The following MUC5AC variants were observed in gnomAD, a reference collection of about 807,000 sequenced individuals.
MUC5AC encodes mucin 5AC, oligomeric mucus/gel-forming.
A neutral mutation model predicts 169.7 loss-of-function variants in MUC5AC; 158 were observed. The ratio of observed to expected loss-of-function variants is 0.93; its 90% CI spans 0.82 to 1.06. The LOEUF (loss-of-function observed/expected upper bound fraction) is 1.06. Ranked by LOEUF, MUC5AC falls within the 50% of genes least tolerant of loss-of-function variation. MUC5AC has a pLI of 0.00. For missense variants in MUC5AC, 4,359 were observed against 3,089.9 expected (o/e 1.41, Z -9.74); for synonymous variants, 1,975 against 1,237.0 (o/e 1.60, Z -12.52).
chr11:1,182,435 A>C lies in MUC5AC; in HGVS notation c.4290A>C (p.Arg1430=), dbSNP rs2133752376. Residue 1430 remains arginine, a synonymous_variant, in exon 31 of 49, where the codon CGA becomes CGC. Coordinates refer to ENST00000621226, the MANE Select transcript of MUC5AC (RefSeq NM_001304359.2). ...VCESPRSVEC[R]AEDAPGVPLR... is the part of the protein sequence containing the mutation. ...AATCACCCAGGTCGGTGGAGTGCCG[A>C]GCTGAGGACGCCCCCGGAGTGCCGC... 1 of 398,582 alleles carries C rather than the reference A, an allele frequency of 2.5e-6. No individual in the cohort carries two copies. The highest frequency in any genetic ancestry group is 3.6e-5 in the East Asian group (1 of 28,070). 24.7% of individuals were successfully genotyped at this position (398,582 alleles called of 1,614,324 possible). A position where few individuals can be genotyped will look rare whatever the true frequency, so the allele number is the denominator to read the frequency against.
Position 1,161,514 on chromosome 11 carries a change from CCT to C in MUC5AC, c.152-12_152-11del. ...GGGCCGTGCGTGAATCCTACCAGCC[CCT>C]GTCTCCGCAGGGGTCCCGCTCCGTG... is the stretch of plus-strand genomic sequence containing the variant. On this transcript the variant is annotated splice_polypyrimidine_tract_variant and intron_variant, in intron 2 of 48. Coordinates refer to ENST00000621226, the MANE Select transcript of MUC5AC (RefSeq NM_001304359.2). 2.5e-6 allele frequency: 4 copies of C among 1,586,004 alleles called. No individual in the cohort carries two copies. Among genetic ancestry groups the C allele is most frequent in the African/African-American group, 1.3e-5 (1 of 74,276 alleles).
In MUC5AC at chr11:1,192,003, T is replaced by C. The variant is rs1447258997; in HGVS notation, c.13858T>C (p.Ser4620Pro). The C allele has an allele frequency of 1.3e-6, 1 of 764,906 alleles. No individual in the cohort carries two copies. Among genetic ancestry groups the C allele is most frequent in the African/African-American group, 1.7e-5 (1 of 59,094 alleles). 47.4% of individuals were successfully genotyped at this position (764,906 alleles called of 1,614,324 possible). The change falls in exon 31 of 49, where the codon TCC (serine) becomes CCC (proline). Residue 4620 changes from serine (S) to proline (P), a missense_variant. Coordinates refer to ENST00000621226, the MANE Select transcript of MUC5AC (RefSeq NM_001304359.2). ...TCTTTCTGTATCCAAGACAACCCAC[T>C]CCCAACCAGTCACCAGTGACTGTCA... ...SHLSVSKTTH[S>P]QPVTSDCHPL...
In MUC5AC at chr11:1,196,034, G is replaced by T; in HGVS notation, c.15617G>T (p.Gly5206Val). The T allele has an allele frequency of 1.3e-6, 1 of 764,648 alleles. No homozygotes were observed. 47.4% of individuals were successfully genotyped at this position (764,648 alleles called of 1,614,324 possible). ...CACGACATCTGCATCGATTGGAGAGGCCGGACCGGCCACATGTGCCGTGAG... is the reference window on the plus strand; with the variant it reads ...CACGACATCTGCATCGATTGGAGAGTCCGGACCGGCCACATGTGCCGTGAG... Reference protein sequence around the residue: ...ASHDICIDWRGRTGHMCPFTC... With the variant: ...ASHDICIDWRVRTGHMCPFTC... The change falls in exon 37 of 49, where the codon GGC becomes GTC. Residue 5206 changes from glycine (G) to valine (V), a missense_variant. Physicochemically the swap from Gly to Val is moderately radical, Grantham distance 109. Coordinates refer to ENST00000621226, the MANE Select transcript of MUC5AC (RefSeq NM_001304359.2).
Position 1,191,316 on chromosome 11 carries a change from A to G in MUC5AC, c.13171A>G (p.Thr4391Ala), listed in dbSNP as rs1861091245. The change falls in exon 31 of 49, where the codon ACC becomes GCC. Residue 4391 changes from threonine (T) to alanine (A), a missense_variant. Thr to Ala is a moderately conservative substitution (Grantham distance 58, BLOSUM62 0). Transcript: ENST00000621226. ...PTTSTTSAPT[T>A]RTTSASTAST... is the part of the protein sequence containing the mutation. ...CACCAGCACAACCTCTGCTCCTACAACCAGAACAACCTCTGCCTCTACAGC... is the reference window on the plus strand; with the variant it reads ...CACCAGCACAACCTCTGCTCCTACAGCCAGAACAACCTCTGCCTCTACAGC... 5.4e-6 allele frequency: 4 copies of G among 747,254 alleles called. No individual in the cohort carries two copies. The highest frequency in any genetic ancestry group is 5.2e-5 in the Admixed American group (3 of 57,220). 46.3% of individuals were successfully genotyped at this position (747,254 alleles called of 1,614,324 possible). A position where few individuals can be genotyped will look rare whatever the true frequency, so the allele number is the denominator to read the frequency against.
chr11:1,167,226 G>A (rs1860360336), intron 11 of MUC5AC, among the ~76,000 whole-genome samples: 1 of 143,256 alleles, frequency 7.0e-6, no homozygotes, highest in Non-Finnish European at 1.5e-5. Flanking sequence ...GTCTCCCCAA[G>A]ATGAGACCCT....
chr11:1,161,475 C>A, intron 2 of MUC5AC, 52 bp from the exon 3 acceptor site: 2 of 1,455,432 alleles, frequency 1.4e-6, no homozygotes, highest in South Asian at 2.7e-5. Context: ...GCTGCGGAGC[C>A]CCCGCCCCAC....
rs778471475 is a variant in MUC5AC, at chr11:1,199,941, C to A, written c.16672C>A (p.Arg5558=). Residue 5558 remains arginine, a synonymous_variant, in exon 48 of 49, where the codon CGG becomes AGG. Coordinates refer to ENST00000621226, the MANE Select transcript of MUC5AC (RefSeq NM_001304359.2). ...SSEPVRLAYC[R]GNCGDSSSMY... is the part of the protein sequence containing the mutation. ...GGAGCCCGTGCGCCTGGCTTACTGCCGGGGGAACTGTGGGGACAGCTCTTC... is the reference window on the plus strand; with the variant it reads ...GGAGCCCGTGCGCCTGGCTTACTGCAGGGGGAACTGTGGGGACAGCTCTTC... The A allele has an allele frequency of 2.6e-6, 2 of 763,780 alleles. No homozygotes were observed. Among genetic ancestry groups the A allele is most frequent in the South Asian group, 2.7e-5 (2 of 74,314 alleles). The allele number at this position is 763,780 out of a possible 1,614,324, so 47.3% of individuals were successfully genotyped here. A position where few individuals can be genotyped will look rare whatever the true frequency, so the allele number is the denominator to read the frequency against.
chr11:1,198,070 G>A, intron 42 of MUC5AC, 66 bp downstream of exon 42: 2 of 637,230 alleles, frequency 3.1e-6, no homozygotes, highest in Non-Finnish European at 5.7e-6. Flanking sequence ...GATTTTGGGG[G>A]GCCATAACCA....
Position 1,189,771 on chromosome 11 carries a change from A to G in MUC5AC, c.11626A>G (p.Thr3876Ala), listed in dbSNP as rs1861044304. The G allele has an allele frequency of 1.5e-6, 1 of 687,268 alleles. No individual in the cohort carries two copies. The highest frequency in any genetic ancestry group is 2.0e-5 in the Admixed American group (1 of 48,870). 42.6% of individuals were successfully genotyped at this position (687,268 alleles called of 1,614,324 possible). Reference sequence around the variant, plus strand: ...TACAGCCAGCACAATCTCTGCCCCTACAACCAGCACAACCTCTTTCCATAC... The same window carrying G: ...TACAGCCAGCACAATCTCTGCCCCTGCAACCAGCACAACCTCTTTCCATAC... ...APTASTISAP[T>A]TSTTSFHTTS... Residue 3876 changes from threonine (T) to alanine (A), a missense_variant, in exon 31 of 49, where the codon ACA becomes GCA. By Grantham distance (58) the Thr-to-Ala change is moderately conservative. Coordinates refer to ENST00000621226, the MANE Select transcript of MUC5AC (RefSeq NM_001304359.2).
Position 1,194,267 on chromosome 11 carries a change from C to G in MUC5AC, c.14913C>G (p.Asp4971Glu), listed in dbSNP as rs374785270. 1 of 763,932 alleles carries G rather than the reference C, an allele frequency of 1.3e-6. No individual in the cohort carries two copies. The highest frequency in any genetic ancestry group is 1.3e-5 in the South Asian group (1 of 74,380). 47.3% of individuals were successfully genotyped at this position (763,932 alleles called of 1,614,324 possible). The change falls in exon 34 of 49, where the codon GAC becomes GAG. Residue 4971 changes from aspartate (D) to glutamate (E), a missense_variant. Transcript: ENST00000621226. Reference protein sequence around the residue: ...LVDNYFCGAEDGLSCPRSIIL... With the variant: ...LVDNYFCGAEEGLSCPRSIIL... ...ACAACTACTTCTGCGGTGCGGAGGA[C>G]GGGCTCTCCTGCCCGAGGTCCATCA...
chr11:1,163,801 C>G, intron 6 of MUC5AC, 81 bp from the exon 7 acceptor site: 4 of 1,150,100 alleles, frequency 3.5e-6, no homozygotes, highest in Non-Finnish European at 3.8e-6. Context: ...AGGGACCCGG[C>G]CCTGGGGGCT....
chr11:1,162,391 G>C, intron 4 of MUC5AC, 141 bp from the exon 5 acceptor site: 1 of 1,024,418 alleles, frequency 9.8e-7, no homozygotes, highest in South Asian at 1.6e-5. Context: ...TGACCCCCGA[G>C]CTCCAGAGGT....
In MUC5AC at chr11:1,192,579, T is replaced by A. The variant is rs77998608; in HGVS notation, c.14380+54T>A. On this transcript the variant is annotated intron_variant, in intron 31 of 48. Coordinates refer to ENST00000621226, the MANE Select transcript of MUC5AC (RefSeq NM_001304359.2). ...TCTGAGCTCACCCTGGTCAGTTTTT[T>A]ATCCAGGAACGCCAAGCTGTGATGA... 3.2e-3 allele frequency: 2,413 copies of A among 745,120 alleles called. 9 individuals carry two copies. Among genetic ancestry groups the A allele is most frequent in the Non-Finnish European group, 4.6e-3 (1,864 of 405,414 alleles). The allele number at this position is 745,120 out of a possible 1,614,324, so 46.2% of individuals were successfully genotyped here.
At chr11:1,197,787 C>A in intron 41 of MUC5AC, 116 bp from the exon 42 acceptor site, 1 of 632,670 alleles carries the variant, frequency 1.6e-6, no homozygotes, top group Non-Finnish European at 2.9e-6. Context: ...ACAGCCTCAT[C>A]TGGAGACCCC....
At chr11:1,181,095 C>T (rs36191294) in intron 28 of MUC5AC, 44 bp from the exon 29 acceptor site, 14 of 398,404 alleles carry the variant, frequency 3.5e-5, no homozygotes, top group South Asian at 1.3e-4. Context: ...GGAAGGCACA[C>T]GGCCGCCCCC....
chr11:1,179,066 G>A, intron 25 of MUC5AC, 26 bp from the exon 26 acceptor site: 2 of 498,098 alleles, frequency 4.0e-6, no homozygotes, highest in South Asian at 3.2e-5. Context: ...GGGGGTCCCT[G>A]GAACCTGAAG....
chr11:1,162,121 C>T lies in MUC5AC; in HGVS notation c.426C>T (p.Gly142=), dbSNP rs1475086677. 7 of 1,612,578 alleles carry T rather than the reference C, an allele frequency of 4.3e-6. No homozygotes were observed. The highest frequency in any genetic ancestry group is 1.1e-5 in the South Asian group (1 of 91,072). ...TLSRVLMKVD[G]VVIQLTKGSV... is the part of the protein sequence containing the mutation. Reference sequence around the variant, plus strand: ...GCAGGGTCCTCATGAAGGTGGATGGCGTGGTCATCCAGCTGACCAAGGGCT... The same window carrying T: ...GCAGGGTCCTCATGAAGGTGGATGGTGTGGTCATCCAGCTGACCAAGGGCT... The change falls in exon 4 of 49, where the codon GGC becomes GGT. Residue 142 remains glycine (G), a synonymous_variant. Coordinates refer to ENST00000621226, the MANE Select transcript of MUC5AC (RefSeq NM_001304359.2).
In MUC5AC at chr11:1,168,896, T is replaced by C; in HGVS notation, c.1740T>C (p.Asp580=). ...LCGNFNSIQA[D]DFRTLSGVVE... ...GGAACTTCAACAGCATCCAGGCCGATGACTTCCGGACCCTCAGTGGGGTGG... is the reference window on the plus strand; with the variant it reads ...GGAACTTCAACAGCATCCAGGCCGACGACTTCCGGACCCTCAGTGGGGTGG... Residue 580 remains aspartate (D), a synonymous_variant, in exon 15 of 49, where the codon GAT becomes GAC. Transcript: ENST00000621226. The C allele has an allele frequency of 6.2e-7, 1 of 1,607,702 alleles. No individual in the cohort carries two copies. The highest frequency in any genetic ancestry group is 8.5e-7 in the Non-Finnish European group (1 of 1,176,932).
intron 16 of MUC5AC, among the ~76,000 whole-genome samples, chr11:1,172,730 C>G (rs1306610761): frequency 6.6e-6 from 1 of 151,942 alleles, no homozygotes; most frequent in East Asian, 1.9e-4. Flanking sequence ...CACACATTCA[C>G]CACTCACCCA....
Sources: allele counts gnomAD v4.1 joint callset (sites outside exome capture counted in the v4.1 genomes callset), GRCh38; gene constraint gnomAD v4.1.1; transcripts MANE v1.5; gene names NCBI Gene and HGNC (gene_info 2026-07-23, HGNC 2026-07-21).